UPK1A: variants seen among roughly 807,000 people sequenced by gnomAD.
The protein encoded by UPK1A is uroplakin-1a.
A neutral mutation model predicts 32.3 loss-of-function variants in UPK1A; 31 were observed. The ratio of observed to expected loss-of-function variants is 0.96; its 90% confidence interval spans 0.72 to 1.30. The LOEUF (loss-of-function observed/expected upper bound fraction) is 1.30. UPK1A is among the 50% of genes most tolerant of loss of function. UPK1A has a pLI of 0.00. For synonymous variants in UPK1A, 135 were observed against 137.1 expected (o/e 0.98, Z 0.11); for missense variants, 340 against 357.4 (o/e 0.95, Z 0.39).
chr19:35,673,497 C>G (rs768958063), exon 5 of UPK1A: 3 of 1,613,294 alleles, frequency 1.9e-6, no homozygotes, highest in Middle Eastern at 1.6e-4. Flanking sequence ...GCGCGGACAC[C>G]GACCAGGGCC....
intron 2 of UPK1A, 98 bp downstream of exon 2, chr19:35,666,994 C>A: frequency 8.0e-7 from 1 of 1,242,972 alleles, no homozygotes; most frequent in Non-Finnish European, 1.2e-6. Flanking sequence ...AACTGTCTCT[C>A]GGGCAGACTC....
intron 2 of UPK1A, among the ~76,000 whole-genome samples, chr19:35,667,705 G>C (rs1290220133): frequency 6.6e-6 from 1 of 151,938 alleles, no homozygotes; most frequent in African/African-American, 2.4e-5. Flanking sequence ...TGTTGGCCAG[G>C]CTGGTCTTGA....
chr19:35,666,702 C>G, intron 1 of UPK1A, 107 bp from the exon 2 acceptor site: 3 of 1,119,756 alleles, frequency 2.7e-6, no homozygotes, highest in Non-Finnish European at 3.9e-6. Flanking sequence ...CCAGCCTGGG[C>G]CCCGCAGAGA....
At chr19:35,678,206 C>T (rs1338988304) in exon 8 of UPK1A, 4 of 681,914 alleles carry the variant, frequency 5.9e-6, no homozygotes, top group Middle Eastern at 4.1e-4. Context: ...GCCCTGAAAC[C>T]CCAGGGCTTG....
intron 5 of UPK1A, among the ~76,000 whole-genome samples, chr19:35,674,071 T>C (rs2311870): frequency 6.6e-6 from 1 of 151,380 alleles, no homozygotes; most frequent in Admixed American, 6.6e-5. Context: ...CTAAGTTTTT[T>C]AAATTATCTT....
In UPK1A at chr19:35,678,094, G is replaced by T. The variant is rs188009807; in HGVS notation, c.*75G>T. The stretch of plus-strand genomic sequence containing the variant: ...CCTCCTGCTTCCTCCGCTGGGCCTG[G>T]ATGGCTGCCTCACCTCTCACCTCCC... On this transcript the variant is annotated 3_prime_UTR_variant, in exon 8 of 8. Coordinates refer to ENST00000617999, the Ensembl canonical transcript of UPK1A. 3.4e-5 allele frequency: 50 copies of T among 1,480,050 alleles called. No homozygotes were observed. The East Asian group carries it at 1.1e-3, about 33-fold the overall frequency. 91.7% of individuals were successfully genotyped at this position (1,480,050 alleles called of 1,614,324 possible).
intron 6 of UPK1A, among the ~76,000 whole-genome samples, chr19:35,676,621 G>A (rs1051707566): frequency 9.9e-5 from 15 of 152,014 alleles, no homozygotes; most frequent in South Asian, 4.2e-4. Flanking sequence ...TAATAGGGCC[G>A]GGCGCGATGG....
chr19:35,673,337 G>A, intron 4 of UPK1A, 31 bp downstream of exon 4: 1 of 1,613,312 alleles, frequency 6.2e-7, no homozygotes, highest in Non-Finnish European at 8.5e-7. Flanking sequence ...GGAGGGGCCT[G>A]ACCTGCATGG....
At chr19:35,672,803 C>G (rs1968122808) in intron 3 of UPK1A, among the ~76,000 whole-genome samples, 1 of 152,140 alleles carries the variant, frequency 6.6e-6, no homozygotes, top group African/African-American at 2.4e-5. Flanking sequence ...TGATCTTGAA[C>G]TCCAGGGTTC....
chr19:35,668,988 G>C (rs1335684186), intron 3 of UPK1A, among the ~76,000 whole-genome samples: 1 of 151,802 alleles, frequency 6.6e-6, no homozygotes. Context: ...TGCACCCAGT[G>C]CAGGGCTAGA....
chr19:35,668,788 C>T (rs1055390494), intron 3 of UPK1A, 134 bp downstream of exon 3: 5 of 988,950 alleles, frequency 5.1e-6, no homozygotes, highest in Non-Finnish European at 4.4e-6. Flanking sequence ...CAGGCATCAT[C>T]TCATTCAGTC....
exon 6 of UPK1A, chr19:35,675,971 C>T: frequency 6.2e-7 from 1 of 1,613,906 alleles, no homozygotes; most frequent in East Asian, 2.2e-5. Flanking sequence ...TCATCCCCCT[C>T]AACGAGGAGG....
intron 3 of UPK1A, among the ~76,000 whole-genome samples, chr19:35,669,498 CTAAAAAAAAAA>C: frequency 8.8e-6 from 1 of 113,476 alleles, no homozygotes; most frequent in South Asian, 3.4e-4. Context: ...AATCCCATCT[CTAAAAAAAAAA>C]AAAAAAAAAA....
chr19:35,670,684 C>T (rs1328821251), intron 3 of UPK1A, among the ~76,000 whole-genome samples: 4 of 89,926 alleles, frequency 4.4e-5, no homozygotes, highest in Non-Finnish European at 9.2e-5. Context: ...TTCCCTCCCT[C>T]CCTCCCTCCC....
intron 5 of UPK1A, among the ~76,000 whole-genome samples, chr19:35,673,839 G>A (rs1968141122): frequency 6.6e-6 from 1 of 152,154 alleles, no homozygotes; most frequent in Non-Finnish European, 1.5e-5. Flanking sequence ...TACCTCAACA[G>A]AAATGTTGAT....
intron 5 of UPK1A, among the ~76,000 whole-genome samples, chr19:35,675,095 G>T (rs1168317432): frequency 6.6e-6 from 1 of 151,338 alleles, no homozygotes; most frequent in Non-Finnish European, 1.5e-5. Flanking sequence ...AAACTGAGGC[G>T]TCAATGTGGC....
chr19:35,666,966 TGG>T (rs762892355), intron 2 of UPK1A, 70 bp downstream of exon 2: 17 of 1,477,680 alleles, frequency 1.2e-5, no homozygotes, highest in Non-Finnish European at 1.6e-5. Context: ...GAGCTCGGGG[TGG>T]GGGATGAGGG....
At chr19:35,674,176 G>A (rs1341995806) in intron 5 of UPK1A, among the ~76,000 whole-genome samples, 2 of 150,966 alleles carry the variant, frequency 1.3e-5, no homozygotes, top group Non-Finnish European at 2.9e-5. Context: ...CTCTCAAAGT[G>A]CCGAGATCAC....
chr19:35,669,557 G>A (rs1275604210), intron 3 of UPK1A, among the ~76,000 whole-genome samples: 2 of 150,588 alleles, frequency 1.3e-5, no homozygotes, highest in African/African-American at 4.9e-5. Context: ...TGTAATCCCC[G>A]CTACTCAGGA....
Sources: allele counts gnomAD v4.1 joint callset (sites outside exome capture counted in the v4.1 genomes callset), GRCh38; gene constraint gnomAD v4.1.1; transcripts MANE v1.5; gene names NCBI Gene and HGNC (gene_info 2026-07-23, HGNC 2026-07-21).